The following CYTH3 variants were observed in gnomAD, a reference collection of about 807,000 sequenced individuals.
CYTH3 encodes the protein cytohesin 3, also known as cytohesin-3.
Under a neutral mutation model 55.1 loss-of-function variants are expected in CYTH3, and 23 were observed. The observed-to-expected ratio is 0.42, with a 90% CI of 0.30 to 0.59. CYTH3 has a LOEUF of 0.59. Among genes scored for constraint, CYTH3 ranks in the 20% least tolerant of loss-of-function variants. The probability of loss-of-function intolerance (pLI) is 0.20; values close to 1 mark genes in which losing one functional copy is unlikely to be tolerated. For missense variants in CYTH3, 413 were observed against 524.8 expected (o/e 0.79, Z 2.08); for synonymous variants, 249 against 194.9 (o/e 1.28, Z -2.31).
At chr7:6,255,018 A>G (rs1221044413) in intron 1 of CYTH3, among the ~76,000 whole-genome samples, 1 of 152,220 alleles carries the variant, frequency 6.6e-6, no homozygotes. Flanking sequence ...TCTACTCAGT[A>G]TGTAAAGACA....
At chr7:6,193,158 CGA>C (rs1392180318) in intron 1 of CYTH3, among the ~76,000 whole-genome samples, 1 of 151,888 alleles carries the variant, frequency 6.6e-6, no homozygotes, top group Non-Finnish European at 1.5e-5. Context: ...GGTGACAGAG[CGA>C]GAGTCCGTCT....
chr7:6,270,785 T>C (rs1383760881), intron 1 of CYTH3, among the ~76,000 whole-genome samples: 1 of 152,202 alleles, frequency 6.6e-6, no homozygotes, highest in African/African-American at 2.4e-5. Context: ...CCAAGGACAA[T>C]TTTAAGACTT....
chr7:6,272,617 C>T lies in CYTH3; in HGVS notation c.-110G>A, dbSNP rs1182019408. On this transcript the variant is annotated 5_prime_UTR_variant, in exon 1 of 13. Coordinates refer to ENST00000350796, the MANE Select transcript of CYTH3 (RefSeq NM_004227.4). ...GGCGACCGGGCGGCTCCTCAGCGCG[C>T]GGCCCGGGTCGCGGCCGGGCCTCCT... is the stretch of plus-strand genomic sequence containing the variant. The T allele has an allele frequency of 6.2e-6, 5 of 806,258 alleles. No homozygotes were observed. The highest frequency in any genetic ancestry group is 5.6e-4 in the Middle Eastern group (1 of 1,780). The allele number at this position is 806,258 out of a possible 1,614,324, so 49.9% of individuals were successfully genotyped here.
chr7:6,244,292 G>C lies in CYTH3; in HGVS notation c.34+28182C>G, dbSNP rs554497363. ...TCATCTAGAGTCAGGATTGAATGAC[G>C]TAACTCAACTTCGTGGCAATTTTTA... On this transcript the variant is annotated intron_variant, in intron 1 of 12. Coordinates refer to ENST00000350796, the MANE Select transcript of CYTH3 (RefSeq NM_004227.4). Among the ~76,000 whole-genome samples the C allele has an allele frequency of 8.0e-5, 12 of 150,684 alleles. No individual in the cohort carries two copies. In the East Asian group the frequency reaches 2.1e-3, roughly 27 times the overall value.
chr7:6,201,346 C>G (rs1784055124), intron 1 of CYTH3, among the ~76,000 whole-genome samples: 1 of 152,226 alleles, frequency 6.6e-6, no homozygotes, highest in African/African-American at 2.4e-5. Flanking sequence ...GCCGCAGAGG[C>G]TCCAAGGGTC....
At chr7:6,253,382 T>G (rs542654388) in intron 1 of CYTH3, among the ~76,000 whole-genome samples, 1 of 151,986 alleles carries the variant, frequency 6.6e-6, no homozygotes, top group Non-Finnish European at 1.5e-5. Flanking sequence ...AATTTTTTTG[T>G]ATTTTTAGTA....
At chr7:6,217,534 C>G (rs1056616885) in intron 1 of CYTH3, among the ~76,000 whole-genome samples, 3 of 152,110 alleles carry the variant, frequency 2.0e-5, no homozygotes, top group Admixed American at 6.6e-5. Flanking sequence ...TGTATATGCA[C>G]CAAACAAAGC....
At chr7:6,184,954 G>T (rs959336236) in intron 4 of CYTH3, among the ~76,000 whole-genome samples, 1 of 152,156 alleles carries the variant, frequency 6.6e-6, no homozygotes, top group Non-Finnish European at 1.5e-5. Flanking sequence ...TGAACTTACT[G>T]GTGTGCTGCC....
At chr7:6,266,813 G>A (rs1412893859) in intron 1 of CYTH3, among the ~76,000 whole-genome samples, 1 of 152,138 alleles carries the variant, frequency 6.6e-6, no homozygotes, top group Non-Finnish European at 1.5e-5. Context: ...ATATATAGCT[G>A]TTTACCTCTT....
At chr7:6,165,642 G>C (rs759661343) in intron 10 of CYTH3, 26 bp from the exon 11 acceptor site, 1 of 1,613,152 alleles carries the variant, frequency 6.2e-7, no homozygotes, top group Non-Finnish European at 8.5e-7. Context: ...ACACGGCGGG[G>C]CTCACTGTGG....
At chr7:6,262,419 T>A (rs1416722367) in intron 1 of CYTH3, among the ~76,000 whole-genome samples, 4 of 152,086 alleles carry the variant, frequency 2.6e-5, no homozygotes, top group African/African-American at 4.8e-5. Context: ...ACACACCACA[T>A]AACAGCTGAA....
chr7:6,243,752 G>A (rs1321334208), intron 1 of CYTH3, among the ~76,000 whole-genome samples: 1 of 152,218 alleles, frequency 6.6e-6, no homozygotes, highest in Non-Finnish European at 1.5e-5. Flanking sequence ...TGTAGGGTCA[G>A]AGGTGGTATT....
chr7:6,264,947 T>A (rs1780449528), intron 1 of CYTH3, among the ~76,000 whole-genome samples: 1 of 152,072 alleles, frequency 6.6e-6, no homozygotes, highest in Admixed American at 6.6e-5. Context: ...TGAATGTGAT[T>A]TTAGATAGGT....
At chr7:6,259,253 C>T (rs1780215311) in intron 1 of CYTH3, among the ~76,000 whole-genome samples, 1 of 152,146 alleles carries the variant, frequency 6.6e-6, no homozygotes, top group African/African-American at 2.4e-5. Flanking sequence ...CATCCAAATG[C>T]TTTGTTTTAC....
At chr7:6,241,131 AG>A (rs1360905293) in intron 1 of CYTH3, among the ~76,000 whole-genome samples, 3 of 152,020 alleles carry the variant, frequency 2.0e-5, no homozygotes, top group African/African-American at 7.3e-5. Flanking sequence ...AAAAAAAAAA[AG>A]AAATACATTT....
Position 6,167,567 on chromosome 7 carries a change from G to A in CYTH3, c.824-1757C>T, listed in dbSNP as rs970844677. On this transcript the variant is annotated intron_variant, in intron 9 of 12. Coordinates refer to ENST00000350796, the MANE Select transcript of CYTH3 (RefSeq NM_004227.4). This position sits in a 1 kb window ranked among gnomAD's most constrained non-coding sequence, Gnocchi z 5.5. ...CGGCCAAAGGCATCTTTTCAAAAAC[G>A]TGGCAATCATGCCCCTCCGGCTTGA... Among the ~76,000 whole-genome samples the A allele has an allele frequency of 2.6e-5, 4 of 152,218 alleles. No individual in the cohort carries two copies. Among genetic ancestry groups the A allele is most frequent in the Non-Finnish European group, 5.9e-5 (4 of 68,034 alleles).
At chr7:6,250,398 C>A (rs1258429863) in intron 1 of CYTH3, among the ~76,000 whole-genome samples, 3 of 152,192 alleles carry the variant, frequency 2.0e-5, no homozygotes, top group South Asian at 4.1e-4. Context: ...AGATAGCACA[C>A]AGCCACAGAT....
At chr7:6,219,154 G>A (rs1014254989) in intron 1 of CYTH3, among the ~76,000 whole-genome samples, 4 of 150,730 alleles carry the variant, frequency 2.7e-5, no homozygotes, top group Non-Finnish European at 5.9e-5. Context: ...CTGCTGGTAG[G>A]ACTCAAAGAA....
In CYTH3 at chr7:6,259,799, A is replaced by ATATATATAT. The variant is rs1780282608; in HGVS notation, c.34+12666_34+12674dup. Among the ~76,000 whole-genome samples, 62 of 24,968 alleles carry ATATATATAT rather than the reference A, an allele frequency of 2.5e-3. 1 individual carries two copies. The highest frequency in any genetic ancestry group is 7.4e-3 in the South Asian group (6 of 808). 16.4% of individuals were successfully genotyped at this position (24,968 alleles called of 152,430 possible). On this transcript the variant is annotated intron_variant, in intron 1 of 12. Coordinates refer to ENST00000350796, the MANE Select transcript of CYTH3 (RefSeq NM_004227.4). ...ATATATATATAATATATATATATAT[A>ATATATATAT]TATATATATATATAATATATATATA...
Sources: allele counts gnomAD v4.1 joint callset (sites outside exome capture counted in the v4.1 genomes callset), GRCh38; gene constraint gnomAD v4.1.1; non-coding constraint Gnocchi (gnomAD v3.1); transcripts MANE v1.5; gene names NCBI Gene and HGNC (gene_info 2026-07-23, HGNC 2026-07-21).